Variants in MSR1 observed in about 807,000 individuals in gnomAD.
The protein encoded by MSR1 is macrophage scavenger receptor 1, also known as macrophage scavenger receptor types I and II.
A neutral mutation model predicts 47.2 loss-of-function variants in MSR1; 53 were observed. The observed-to-expected ratio is 1.12, with a 90% CI of 0.90 to 1.41. MSR1 has a LOEUF of 1.41. MSR1 is among the 40% of genes most tolerant of loss of function. MSR1 has a pLI of 0.00. For synonymous variants in MSR1, 239 were observed against 185.6 expected (o/e 1.29, Z -2.34); for missense variants, 786 against 546.9 (o/e 1.44, Z -4.36).
intron 3 of MSR1, among the ~76,000 whole-genome samples, chr8:16,174,258 T>TCCTAAA (rs1801574534): frequency 6.6e-6 from 1 of 152,064 alleles, no homozygotes; most frequent in Admixed American, 6.6e-5. Context: ...ACTTTTTTGT[T>TCCTAAA]GTTGTTGTTA....
At chr8:16,144,997 C>T (rs2117118334) in intron 7 of MSR1, among the ~76,000 whole-genome samples, 1 of 151,534 alleles carries the variant, frequency 6.6e-6, no homozygotes, top group African/African-American at 2.4e-5. Context: ...CCTAATTTAC[C>T]AGCTAAAAAA....
intron 1 of MSR1, among the ~76,000 whole-genome samples, chr8:16,187,055 C>T (rs554045350): frequency 1.3e-5 from 2 of 152,016 alleles, no homozygotes; most frequent in East Asian, 3.9e-4. Flanking sequence ...AATGCCTTCT[C>T]GTCTCACTCA....
chr8:16,129,111 C>A (rs115663284), intron 8 of MSR1, among the ~76,000 whole-genome samples: 51 of 152,174 alleles, frequency 3.4e-4, no homozygotes, highest in African/African-American at 1.2e-3. Context: ...AAATACTGTA[C>A]ACAGAAACTG....
intron 9 of MSR1, among the ~76,000 whole-genome samples, chr8:16,111,017 C>G (rs981568428): frequency 2.0e-5 from 3 of 151,694 alleles, no homozygotes; most frequent in African/African-American, 7.3e-5. Context: ...ATCTCAAAAT[C>G]AGAAACCTTG....
intron 3 of MSR1, among the ~76,000 whole-genome samples, chr8:16,174,639 A>G (rs190156735): frequency 4.6e-4 from 70 of 152,298 alleles, no homozygotes; most frequent in Admixed American, 2.0e-4. Context: ...TAATATCCCT[A>G]TGAAAAATGT....
intron 3 of MSR1, among the ~76,000 whole-genome samples, chr8:16,173,940 T>C (rs1418875050): frequency 6.6e-6 from 1 of 152,074 alleles, no homozygotes; most frequent in African/African-American, 2.4e-5. Flanking sequence ...TGAGCCACCG[T>C]GCCCAGCTGA....
At chr8:16,146,583 G>A (rs926774675) in intron 7 of MSR1, among the ~76,000 whole-genome samples, 1 of 151,880 alleles carries the variant, frequency 6.6e-6, no homozygotes, top group Non-Finnish European at 1.5e-5. Context: ...AGGTGCAAAG[G>A]GCTTTTTGTA....
At chr8:16,175,596 A>T (rs1801623328) in intron 2 of MSR1, among the ~76,000 whole-genome samples, 1 of 152,350 alleles carries the variant, frequency 6.6e-6, no homozygotes, top group African/African-American at 2.4e-5. Context: ...AAATTTTAAT[A>T]TCGACACTTA....
intron 1 of MSR1, among the ~76,000 whole-genome samples, chr8:16,180,303 T>C (rs1801791044): frequency 6.6e-6 from 1 of 152,174 alleles, no homozygotes; most frequent in African/African-American, 2.4e-5. Flanking sequence ...TTAAAAATGT[T>C]CCTGTGTCTC....
chr8:16,148,855 G>T (rs760352496), intron 7 of MSR1, among the ~76,000 whole-genome samples: 2 of 152,078 alleles, frequency 1.3e-5, no homozygotes, highest in Non-Finnish European at 2.9e-5. Flanking sequence ...GTAATAAAAA[G>T]AAATGAGCAA....
intron 1 of MSR1, among the ~76,000 whole-genome samples, chr8:16,178,787 G>A (rs1420902919): frequency 6.6e-6 from 1 of 151,934 alleles, no homozygotes; most frequent in Non-Finnish European, 1.5e-5. Flanking sequence ...ACTTTTTAAT[G>A]ATCACCATTC....
chr8:16,162,205 G>A (rs995419499), intron 5 of MSR1, among the ~76,000 whole-genome samples: 8 of 151,958 alleles, frequency 5.3e-5, no homozygotes, highest in African/African-American at 1.9e-4. Flanking sequence ...CATTTTAAGA[G>A]CCACAAGAAA....
intron 9 of MSR1, among the ~76,000 whole-genome samples, chr8:16,116,582 C>A (rs1346861170): frequency 6.6e-6 from 1 of 152,082 alleles, no homozygotes; most frequent in African/African-American, 2.4e-5. Flanking sequence ...CATTCTATTC[C>A]TTATTTAAGT....
At chr8:16,187,164 A>C (rs1199451673) in intron 1 of MSR1, among the ~76,000 whole-genome samples, 1 of 151,572 alleles carries the variant, frequency 6.6e-6, no homozygotes, top group African/African-American at 2.4e-5. Flanking sequence ...GGAGTTCGAG[A>C]CCATCCTGGC....
At chr8:16,146,788 A>T (rs1182302406) in intron 7 of MSR1, among the ~76,000 whole-genome samples, 2 of 152,072 alleles carry the variant, frequency 1.3e-5, no homozygotes, top group Non-Finnish European at 2.9e-5. Flanking sequence ...CTACCCATAA[A>T]ATATTATTAA....
At chr8:16,161,392 C>T (rs79772076) in intron 5 of MSR1, among the ~76,000 whole-genome samples, 11,417 of 151,896 alleles carry the variant, frequency 0.075, 600 homozygotes, top group Admixed American at 0.18. Flanking sequence ...TGTAAAGCTT[C>T]GGACATTTAT....
In MSR1 at chr8:16,189,405, T is replaced by A. The variant is rs1385367491; in HGVS notation, c.-5+3193A>T. Among the ~76,000 whole-genome samples the A allele has an allele frequency of 3.9e-5, 4 of 103,698 alleles. No individual in the cohort carries two copies. The South Asian group carries it at 7.9e-4, about 21-fold the overall frequency. The allele number at this position is 103,698 out of a possible 152,430, so 68.0% of individuals were successfully genotyped here. A position where few individuals can be genotyped will look rare whatever the true frequency, so the allele number is the denominator to read the frequency against. On this transcript the variant is annotated intron_variant, in intron 1 of 9. Transcript: ENST00000262101. ...TATAAAATCTTATTTTATATATATT[T>A]TATATATATTTTATATATATAAAAT...
At chr8:16,173,970 G>C (rs2117198284) in intron 3 of MSR1, among the ~76,000 whole-genome samples, 1 of 152,014 alleles carries the variant, frequency 6.6e-6, no homozygotes, top group Admixed American at 6.6e-5. Flanking sequence ...TTTTTTATTG[G>C]CCAACCATGT....
rs377382011 is a variant in MSR1 at position 16,122,738 on chromosome 8, T to C, written c.1034-2132A>G. Among the ~76,000 whole-genome samples, 8 of 151,714 alleles carry C rather than the reference T, an allele frequency of 5.3e-5. No individual in the cohort carries two copies. The East Asian group carries it at 7.7e-4, about 15-fold the overall frequency. Reference sequence around the variant, plus strand: ...GAAACAGATAGTGCTGCTGATACAATCCTTTCATCTCATTTATTGCAAAGG... The same window carrying C: ...GAAACAGATAGTGCTGCTGATACAACCCTTTCATCTCATTTATTGCAAAGG... On this transcript the variant is annotated intron_variant, in intron 8 of 9. Transcript: ENST00000262101.
Sources: allele counts gnomAD v4.1 joint callset (sites outside exome capture counted in the v4.1 genomes callset), GRCh38; gene constraint gnomAD v4.1.1; transcripts MANE v1.5; gene names NCBI Gene and HGNC (gene_info 2026-07-23, HGNC 2026-07-21).